Variants in RPL23A observed in about 807,000 individuals in gnomAD.
The protein encoded by RPL23A is ribosomal protein L23a.
In RPL23A, 2 loss-of-function variants were observed where a neutral mutation model predicts 17.6. The ratio of observed to expected loss-of-function variants is 0.11; its 90% CI spans 0.05 to 0.36. RPL23A has a LOEUF of 0.36. Among genes scored for constraint, RPL23A ranks in the 10% least tolerant of loss-of-function variants. The probability of loss-of-function intolerance (pLI) is 1.00; values close to 1 mark genes in which losing one functional copy is unlikely to be tolerated. For missense variants in RPL23A, 132 were observed against 194.4 expected (o/e 0.68, Z 1.91); for synonymous variants, 65 against 74.3 (o/e 0.87, Z 0.65).
chr17:28,723,528 G>A, intron 3 of RPL23A, 43 bp from the exon 4 acceptor site: 1 of 1,394,706 alleles, frequency 7.2e-7, no homozygotes, highest in Non-Finnish European at 1.0e-6. Flanking sequence ...GGGTGTGGGG[G>A]CAGTGAGGGT....
intron 1 of RPL23A, chr17:28,720,446 G>A (rs763272568): frequency 6.8e-6 from 11 of 1,611,872 alleles, no homozygotes; most frequent in Non-Finnish European, 6.8e-6. Flanking sequence ...TGTAAAATTC[G>A]TAGGACATTT....
chr17:28,720,465 G>A, intron 1 of RPL23A: 1 of 1,608,988 alleles, frequency 6.2e-7, no homozygotes, highest in Non-Finnish European at 8.5e-7. Context: ...TTTCTGGAAA[G>A]TATCAAGCGT....
chr17:28,720,954 C>T lies in RPL23A; in HGVS notation c.209+64C>T, dbSNP rs114790825. On this transcript the variant is annotated intron_variant, in intron 2 of 4. Transcript: ENST00000422514. Reference sequence around the variant, plus strand: ...ATTCTCCATTGGTAATTTGGAAATTCACTCACTCTGCGTGATGGTTTCTCA... The same window carrying T: ...ATTCTCCATTGGTAATTTGGAAATTTACTCACTCTGCGTGATGGTTTCTCA... The T allele has an allele frequency of 5.6e-4, 792 of 1,404,500 alleles. 7 individuals carry two copies. The African/African-American group carries it at 8.4e-3, about 15-fold the overall frequency. The allele number at this position is 1,404,500 out of a possible 1,614,324, so 87.0% of individuals were successfully genotyped here.
intron 4 of RPL23A, 36 bp downstream of exon 4, chr17:28,723,676 C>A (rs1213591173): frequency 6.3e-7 from 1 of 1,586,666 alleles, no homozygotes; most frequent in Non-Finnish European, 8.7e-7. Flanking sequence ...TAATGCTCAC[C>A]CCTTGGGTGC....
rs2034101738 is a variant in RPL23A at position 28,720,848 on chromosome 17, G to A, written c.167G>A (p.Arg56Lys). The A allele has an allele frequency of 6.2e-7, 1 of 1,614,038 alleles. No homozygotes were observed. The highest frequency in any genetic ancestry group is 8.5e-7 in the Non-Finnish European group (1 of 1,179,990). The stretch of plus-strand genomic sequence containing the variant: ...CGGCCGAAGACACTGCGACTCCGGA[G>A]ACAGCCCAAATATCCTCGGAAGAGC... Reference protein sequence around the residue: ...FRRPKTLRLRRQPKYPRKSAP... With the variant: ...FRRPKTLRLRKQPKYPRKSAP... The change falls in exon 2 of 5, where the codon AGA (arginine) becomes AAA (lysine). Residue 56 changes from arginine to lysine, a missense_variant. Around this residue, in one of 2 missense-constraint regions of RPL23A, gnomAD observed 69 missense variants for 145.5 expected, o/e 0.47. Transcript: ENST00000422514.
chr17:28,723,946 GTC>G lies in RPL23A; in HGVS notation c.*67_*68del. On this transcript the variant is annotated 3_prime_UTR_variant, in exon 5 of 5. Transcript: ENST00000422514. ...ATATCTTTTCACCATATACATGCCT[GTC>G]TGTCAATTTCTGGTTGGGCTGGGAG... is the stretch of plus-strand genomic sequence containing the variant. The G allele has an allele frequency of 8.3e-7, 1 of 1,208,634 alleles. No homozygotes were observed. Among genetic ancestry groups the G allele is most frequent in the Non-Finnish European group, 1.2e-6 (1 of 863,670 alleles). The allele number at this position is 1,208,634 out of a possible 1,614,324, so 74.9% of individuals were successfully genotyped here.
At chr17:28,723,113 TA>T (rs774938617) in intron 3 of RPL23A, among the ~76,000 whole-genome samples, 4,710 of 131,402 alleles carry the variant, frequency 0.036, 68 homozygotes, top group Admixed American at 0.067. Flanking sequence ...AGGCCCTTTT[TA>T]AAAAAAAAAA....
chr17:28,724,262 G>GTAGCATTTTGTCC lies in RPL23A; in HGVS notation c.*383_*395dup. On this transcript the variant is annotated 3_prime_UTR_variant, in exon 5 of 5. Transcript: ENST00000422514. ...GGAGTGTGGATTGGCTGGCTCTCTG[G>GTAGCATTTTGTCC]TAGCATTTTGTCCTCACACACCCAT... 1.8e-6 allele frequency: 1 copy of GTAGCATTTTGTCC among 562,504 alleles called. No individual in the cohort carries two copies. The highest frequency in any genetic ancestry group is 3.1e-6 in the Non-Finnish European group (1 of 318,308). 34.8% of individuals were successfully genotyped at this position (562,504 alleles called of 1,614,324 possible). A position where few individuals can be genotyped will look rare whatever the true frequency, so the allele number is the denominator to read the frequency against.
At chr17:28,722,407 G>A in intron 2 of RPL23A, 1 of 447,576 alleles carries the variant, frequency 2.2e-6, no homozygotes, top group Non-Finnish European at 4.3e-6. Context: ...ACGATCTCTT[G>A]ACCTCGTGAT....
chr17:28,721,994 C>T (rs1259493276), intron 2 of RPL23A: 3 of 152,072 alleles, frequency 2.0e-5, no homozygotes, highest in Non-Finnish European at 4.4e-5. Context: ...GCCTGTAATC[C>T]CAGCACTTTG....
At chr17:28,721,090 G>C (rs1423657768) in intron 2 of RPL23A, 200 bp downstream of exon 2, 4 of 505,538 alleles carry the variant, frequency 7.9e-6, no homozygotes, top group East Asian at 7.7e-5. Context: ...GGTGGCTCAC[G>C]TCTGTAATCC....
intron 2 of RPL23A, chr17:28,721,130 A>C (rs1452661450): frequency 2.5e-6 from 1 of 405,408 alleles, no homozygotes; most frequent in East Asian, 5.3e-5. Context: ...GGGGGGGCGG[A>C]TCACTTGAGG....
At chr17:28,722,138 G>A (rs2034125884) in intron 2 of RPL23A, among the ~76,000 whole-genome samples, 1 of 151,664 alleles carries the variant, frequency 6.6e-6, no homozygotes, top group Non-Finnish European at 1.5e-5. Context: ...TCCCACTACT[G>A]AGTCCCAGGC....
At chr17:28,723,312 T>G in intron 3 of RPL23A, 1 of 654,706 alleles carries the variant, frequency 1.5e-6, no homozygotes, top group Non-Finnish European at 2.8e-6. Context: ...GGTCCCTACT[T>G]CTATTGGGAA....
At chr17:28,720,231 G>GGT (rs1567751193) in intron 1 of RPL23A, 3 of 1,539,130 alleles carry the variant, frequency 1.9e-6, no homozygotes, top group Non-Finnish European at 8.8e-7. Flanking sequence ...GAGTTGGGGG[G>GGT]GGGCAACGCG....
rs925863067 is a variant in RPL23A at position 28,720,792 on chromosome 17, G to C, written c.111G>C (p.Lys37Asn). The change falls in exon 2 of 5, where the codon AAG becomes AAC. Residue 37 changes from lysine to asparagine, a missense_variant. This residue lies in a region of RPL23A where 63 missense variants were observed against 48.9 expected (regional missense o/e 1.29). Coordinates refer to ENST00000422514, the MANE Select transcript of RPL23A (RefSeq NM_000984.6). ...TGAAAGGTGTCCACAGCCACAAAAA[G>C]AAGAAGATCCGCACGTCACCCACCT... ...AVLKGVHSHK[K>N]KKIRTSPTFR... The C allele has an allele frequency of 1.9e-6, 3 of 1,613,092 alleles. No homozygotes were observed. The African/African-American group carries it at 4.0e-5, about 22-fold the overall frequency.
intron 2 of RPL23A, chr17:28,721,921 C>CT (rs2034121359): frequency 6.6e-6 from 1 of 152,176 alleles, no homozygotes. Context: ...TAAGCCACTG[C>CT]TGTGGCTTAA....
rs199603719 is a variant in RPL23A, at chr17:28,723,592, A to C, written c.408A>C (p.Ala136=). The C allele has an allele frequency of 1.5e-4, 245 of 1,614,016 alleles. 1 individual carries two copies. In the Middle Eastern group the frequency reaches 2.6e-3, roughly 17 times the overall value. ...TLIRPDGEKK[A]YVRLAPDYDA... Reference sequence around the variant, plus strand: ...CTAGGCCTGATGGAGAGAAGAAGGCATATGTTCGACTGGCTCCTGATTACG... The same window carrying C: ...CTAGGCCTGATGGAGAGAAGAAGGCCTATGTTCGACTGGCTCCTGATTACG... The change falls in exon 4 of 5, where the codon GCA becomes GCC. Residue 136 remains alanine, a synonymous_variant. Transcript: ENST00000422514.
intron 1 of RPL23A, chr17:28,720,501 G>A: frequency 6.4e-7 from 1 of 1,564,552 alleles, no homozygotes. Context: ...TTGTTTCATA[G>A]TCGTATCCCT....
Sources: gnomAD v4.1 joint callset for allele counts (sites outside exome capture counted in the v4.1 genomes callset) on GRCh38, gnomAD v4.1.1 for gene constraint, gnomAD v4.1.1 regional missense constraint, MANE v1.5 for transcripts, NCBI Gene and HGNC (gene_info 2026-07-23, HGNC 2026-07-21) for gene names.